DENND5B: variants seen among roughly 807,000 people sequenced by gnomAD.
The protein encoded by DENND5B is DENN domain containing 5B, also known as DENN domain-containing protein 5B.
DENND5B carries 34 observed loss-of-function variants against 140.6 expected under a neutral mutation model. The ratio of observed to expected loss-of-function variants is 0.24; its 90% CI spans 0.18 to 0.32. The LOEUF (loss-of-function observed/expected upper bound fraction) is 0.32. DENND5B is among the 10% of genes least tolerant of loss of function. The pLI is 1.00. For missense variants in DENND5B, 1,142 were observed against 1,560.2 expected (o/e 0.73, Z 4.52); for synonymous variants, 551 against 562.1 (o/e 0.98, Z 0.28).
At chr12:31,577,844 T>C (rs560924038) in intron 1 of DENND5B, among the ~76,000 whole-genome samples, 1 of 150,408 alleles carries the variant, frequency 6.6e-6, no homozygotes, top group South Asian at 2.1e-4. Flanking sequence ...TTCTACAGGG[T>C]CCAGTGCAGT....
intron 1 of DENND5B, among the ~76,000 whole-genome samples, chr12:31,514,317 TATG>T (rs1947540160): frequency 2.0e-5 from 3 of 152,232 alleles, no homozygotes; most frequent in African/African-American, 7.2e-5. Flanking sequence ...AAGCACACTC[TATG>T]ATGTTTGCAC....
chr12:31,393,842 C>T (rs1941286947), intron 17 of DENND5B, among the ~76,000 whole-genome samples: 1 of 152,130 alleles, frequency 6.6e-6, no homozygotes, highest in African/African-American at 2.4e-5. Context: ...TGCCGGCCAC[C>T]ATGCATGGCT....
At chr12:31,420,406 G>A (rs1249667759) in intron 11 of DENND5B, among the ~76,000 whole-genome samples, 2 of 151,020 alleles carry the variant, frequency 1.3e-5, no homozygotes, top group Admixed American at 1.3e-4. Context: ...CAAAGTGTTG[G>A]GATTACAGAA....
chr12:31,476,891 C>G (rs1378857580), intron 3 of DENND5B, among the ~76,000 whole-genome samples: 2 of 152,184 alleles, frequency 1.3e-5, no homozygotes, highest in East Asian at 3.8e-4. Context: ...CTTCAAGATT[C>G]AAGAAAATGG....
intron 1 of DENND5B, among the ~76,000 whole-genome samples, chr12:31,564,325 C>T (rs1477706951): frequency 6.6e-6 from 1 of 151,930 alleles, no homozygotes; most frequent in Non-Finnish European, 1.5e-5. Flanking sequence ...AAAACAAGAG[C>T]AACCCACTGC....
intron 7 of DENND5B, among the ~76,000 whole-genome samples, chr12:31,436,111 C>G (rs1372230742): frequency 1.4e-5 from 2 of 144,398 alleles, no homozygotes; most frequent in Non-Finnish European, 3.1e-5. Context: ...AGCCCCCCCA[C>G]TTTTTTTTTT....
At chr12:31,470,744 A>C (rs1016380517) in intron 3 of DENND5B, among the ~76,000 whole-genome samples, 2 of 152,220 alleles carry the variant, frequency 1.3e-5, no homozygotes, top group African/African-American at 4.8e-5. Context: ...GGTATCACAA[A>C]TTGACAGGTG....
At chr12:31,586,629 G>C (rs1436744891) in intron 1 of DENND5B, among the ~76,000 whole-genome samples, 1 of 152,164 alleles carries the variant, frequency 6.6e-6, no homozygotes, top group Non-Finnish European at 1.5e-5. Context: ...TTGAAGCCTT[G>C]ATAAGTTTTA....
Position 31,387,374 on chromosome 12 carries a change from A to C in DENND5B, c.*229T>G. ...AGTAATATAATTTCTTAAAGAAGAT[A>C]GCATATTTACACACATCTAACACAT... is the stretch of plus-strand genomic sequence containing the variant. On this transcript the variant is annotated 3_prime_UTR_variant, in exon 21 of 21. Coordinates refer to ENST00000389082, the MANE Select transcript of DENND5B (RefSeq NM_144973.4). 1 of 397,106 alleles carries C rather than the reference A, an allele frequency of 2.5e-6. No individual in the cohort carries two copies. Among genetic ancestry groups the C allele is most frequent in the Admixed American group, 4.2e-5 (1 of 23,584 alleles). 24.6% of individuals were successfully genotyped at this position (397,106 alleles called of 1,614,324 possible). A position where few individuals can be genotyped will look rare whatever the true frequency, so the allele number is the denominator to read the frequency against.
At chr12:31,424,719 C>G (rs368269475) in intron 9 of DENND5B, 32 bp from the exon 10 acceptor site, 28 of 1,599,018 alleles carry the variant, frequency 1.8e-5, no homozygotes, top group Non-Finnish European at 2.4e-5. Flanking sequence ...ATAAGGCACC[C>G]CAGCAGTGAA....
At chr12:31,540,669 C>A (rs1254922634) in intron 1 of DENND5B, among the ~76,000 whole-genome samples, 1 of 150,114 alleles carries the variant, frequency 6.7e-6, no homozygotes, top group African/African-American at 2.5e-5. Context: ...CCAACCCCCC[C>A]ACCAAAAAAA....
chr12:31,556,784 C>T (rs141115385), intron 1 of DENND5B, among the ~76,000 whole-genome samples: 1 of 152,202 alleles, frequency 6.6e-6, no homozygotes, highest in East Asian at 1.9e-4. Context: ...AAAAATACTG[C>T]CGAACTGTTT....
At chr12:31,562,167 T>G (rs1201987687) in intron 1 of DENND5B, among the ~76,000 whole-genome samples, 2 of 152,188 alleles carry the variant, frequency 1.3e-5, no homozygotes, top group Admixed American at 6.5e-5. Flanking sequence ...CAGAAAGACA[T>G]GCTTAGAAAT....
chr12:31,479,575 C>A lies in DENND5B; in HGVS notation c.904+14G>T. 6.8e-7 allele frequency: 1 copy of A among 1,465,288 alleles called. No individual in the cohort carries two copies. 90.8% of individuals were successfully genotyped at this position (1,465,288 alleles called of 1,614,324 possible). ...ACTTGTTTTTGGAAAATGTAAAATC[C>A]AAGGAAAACCTACCTTGTGAGTAGA... On this transcript the variant is annotated intron_variant, in intron 3 of 20. Coordinates refer to ENST00000389082, the MANE Select transcript of DENND5B (RefSeq NM_144973.4).
chr12:31,485,524 CA>C (rs1305976464), intron 2 of DENND5B, among the ~76,000 whole-genome samples: 2 of 152,178 alleles, frequency 1.3e-5, no homozygotes, highest in African/African-American at 4.8e-5. Context: ...AAATTCTGTC[CA>C]AAACCACAAT....
At chr12:31,439,929 CAAAAAAAAAAAA>C (rs67272470) in intron 7 of DENND5B, among the ~76,000 whole-genome samples, 3 of 52,300 alleles carry the variant, frequency 5.7e-5, no homozygotes, top group African/African-American at 1.7e-4. Context: ...GACTCCGTCT[CAAAAAAAAAAAA>C]AAAAAAAAAA....
chr12:31,430,321 C>A (rs1390732837), intron 8 of DENND5B, among the ~76,000 whole-genome samples: 1 of 151,018 alleles, frequency 6.6e-6, no homozygotes, highest in Non-Finnish European at 1.5e-5. Flanking sequence ...CTGCGCCTGG[C>A]CCCTGAATAC....
chr12:31,427,857 AAAG>A (rs1209346166), intron 8 of DENND5B, among the ~76,000 whole-genome samples: 13 of 152,254 alleles, frequency 8.5e-5, no homozygotes, highest in Non-Finnish European at 1.0e-4. Context: ...TGATATTATA[AAAG>A]AAGATGTGTA....
chr12:31,428,558 T>C (rs1177505648), intron 8 of DENND5B, among the ~76,000 whole-genome samples: 5 of 147,424 alleles, frequency 3.4e-5, no homozygotes, highest in Non-Finnish European at 6.0e-5. Context: ...CGCGCCACCA[T>C]GCCCAGCTAA....
Sources: gnomAD v4.1 joint callset for allele counts (sites outside exome capture counted in the v4.1 genomes callset) on GRCh38, gnomAD v4.1.1 for gene constraint, MANE v1.5 for transcripts, NCBI Gene and HGNC (gene_info 2026-07-23, HGNC 2026-07-21) for gene names.